The following ITFG1 variants were observed in gnomAD, a reference collection of about 807,000 sequenced individuals.
The protein encoded by ITFG1 is integrin alpha FG-GAP repeat containing 1.
A neutral mutation model predicts 81.8 loss-of-function variants in ITFG1; 34 were observed. That is an observed-to-expected ratio of 0.42 (90% CI 0.32 to 0.55). The LOEUF (loss-of-function observed/expected upper bound fraction) is 0.55. Ranked by LOEUF, ITFG1 falls within the 20% of genes least tolerant of loss-of-function variation. The pLI is 0.17. For missense variants in ITFG1, 672 were observed against 755.4 expected (o/e 0.89, Z 1.29); for synonymous variants, 285 against 270.6 (o/e 1.05, Z -0.52).
intron 6 of ITFG1, among the ~76,000 whole-genome samples, chr16:47,427,017 T>G (rs918806893): frequency 1.3e-5 from 2 of 152,096 alleles, no homozygotes; most frequent in Non-Finnish European, 2.9e-5. Context: ...AATCAAGTAT[T>G]TATCTTGCCT....
At chr16:47,214,442 A>G (rs1965600926) in intron 14 of ITFG1, among the ~76,000 whole-genome samples, 3 of 152,156 alleles carry the variant, frequency 2.0e-5, no homozygotes, top group African/African-American at 7.2e-5. Context: ...ATGACCAACA[A>G]CTCACTAGTC....
At chr16:47,197,873 C>G (rs1452473287) in intron 14 of ITFG1, among the ~76,000 whole-genome samples, 1 of 152,186 alleles carries the variant, frequency 6.6e-6, no homozygotes, top group Non-Finnish European at 1.5e-5. Flanking sequence ...TTTGTTTCTT[C>G]ATCATGAGAA....
chr16:47,298,212 A>G (rs1179242339), intron 10 of ITFG1, among the ~76,000 whole-genome samples: 1 of 152,140 alleles, frequency 6.6e-6, no homozygotes, highest in East Asian at 1.9e-4. Flanking sequence ...CTTGTCATTC[A>G]TATTCAAAAT....
chr16:47,217,335 C>G (rs577652401), intron 14 of ITFG1, among the ~76,000 whole-genome samples: 1 of 152,140 alleles, frequency 6.6e-6, no homozygotes, highest in East Asian at 1.9e-4. Flanking sequence ...TGATATCCCA[C>G]CAGTGAACTT....
At chr16:47,363,054 G>A (rs919514116) in intron 8 of ITFG1, among the ~76,000 whole-genome samples, 3 of 151,904 alleles carry the variant, frequency 2.0e-5, no homozygotes, top group Admixed American at 6.6e-5. Flanking sequence ...GTGCCACCAC[G>A]TCCAGCTAAT....
chr16:47,281,417 T>A (rs1274206904), intron 10 of ITFG1, among the ~76,000 whole-genome samples: 1 of 152,196 alleles, frequency 6.6e-6, no homozygotes, highest in South Asian at 2.1e-4. Context: ...TTGAGAAGTG[T>A]CCCTTAGTCT....
chr16:47,313,870 T>C (rs773236045), intron 8 of ITFG1, 47 bp from the exon 9 acceptor site: 2 of 1,027,410 alleles, frequency 1.9e-6, no homozygotes, highest in East Asian at 2.5e-5. Context: ...CAAAATAAAG[T>C]GTTCTTGTAT....
In ITFG1 at chr16:47,325,406, T is replaced by A. The variant is rs1967520615; in HGVS notation, c.803-11583A>T. Among the ~76,000 whole-genome samples, 3 of 151,888 alleles carry A rather than the reference T, an allele frequency of 2.0e-5. No homozygotes were observed. The South Asian group carries it at 6.2e-4, about 32-fold the overall frequency. ...TAAAATTGACACCCTAACATCACAA[T>A]TAAAAGAACTAGAGAAGCAAAGCAA... On this transcript the variant is annotated intron_variant, in intron 8 of 17. Coordinates refer to ENST00000320640, the MANE Select transcript of ITFG1 (RefSeq NM_030790.5).
At chr16:47,422,148 T>C (rs1381142868) in intron 6 of ITFG1, among the ~76,000 whole-genome samples, 8 of 152,198 alleles carry the variant, frequency 5.3e-5, no homozygotes, top group Admixed American at 5.2e-4. Context: ...TACGTGTGCA[T>C]GTGTCTTTAT....
At chr16:47,336,333 G>A (rs796880068) in intron 8 of ITFG1, among the ~76,000 whole-genome samples, 18 of 152,290 alleles carry the variant, frequency 1.2e-4, no homozygotes, top group African/African-American at 3.8e-4. Flanking sequence ...GAAAATGGTA[G>A]GAAAATTTGA....
chr16:47,403,631 G>A (rs1231449026), intron 6 of ITFG1, among the ~76,000 whole-genome samples: 1 of 152,148 alleles, frequency 6.6e-6, no homozygotes, highest in Non-Finnish European at 1.5e-5. Flanking sequence ...TAATGGCACT[G>A]TAGTTGTACA....
intron 14 of ITFG1, among the ~76,000 whole-genome samples, chr16:47,192,582 T>TC (rs1392299791): frequency 6.6e-6 from 1 of 152,062 alleles, no homozygotes; most frequent in East Asian, 1.9e-4. Flanking sequence ...GTTAGTCTTG[T>TC]CCCCCCAACC....
chr16:47,293,643 T>C (rs1299459261), intron 10 of ITFG1, among the ~76,000 whole-genome samples: 1 of 152,140 alleles, frequency 6.6e-6, no homozygotes, highest in Non-Finnish European at 1.5e-5. Context: ...GCCATCTATA[T>C]GTCTTCTTTT....
chr16:47,255,507 G>A (rs1336070027), intron 12 of ITFG1, among the ~76,000 whole-genome samples: 1 of 152,214 alleles, frequency 6.6e-6, no homozygotes, highest in African/African-American at 2.4e-5. Context: ...GTGGAAATCT[G>A]ACTTTGAATT....
At chr16:47,400,891 G>C (rs549108547) in intron 6 of ITFG1, among the ~76,000 whole-genome samples, 7 of 152,124 alleles carry the variant, frequency 4.6e-5, no homozygotes, top group Non-Finnish European at 1.0e-4. Flanking sequence ...AAAAGCATGC[G>C]ATTCTTTCTG....
chr16:47,416,546 C>T (rs905545584), intron 6 of ITFG1, among the ~76,000 whole-genome samples: 1 of 152,104 alleles, frequency 6.6e-6, no homozygotes, highest in Non-Finnish European at 1.5e-5. Flanking sequence ...GGAGGTAGGC[C>T]CTAGTGGGAA....
Position 47,365,769 on chromosome 16 carries a change from T to C in ITFG1, c.802+19A>G. Reference sequence around the variant, plus strand: ...TGGAAAGGCAAAAGCCTTTTTTTTTTTTTTTTACCAAATCTTACCAAAGTC... The same window carrying C: ...TGGAAAGGCAAAAGCCTTTTTTTTTCTTTTTTACCAAATCTTACCAAAGTC... On this transcript the variant is annotated intron_variant, in intron 8 of 17. Transcript: ENST00000320640. 1 of 1,465,650 alleles carries C rather than the reference T, an allele frequency of 6.8e-7. No individual in the cohort carries two copies. Among genetic ancestry groups the C allele is most frequent in the Non-Finnish European group, 9.4e-7 (1 of 1,061,752 alleles). 90.8% of individuals were successfully genotyped at this position (1,465,650 alleles called of 1,614,324 possible).
At chr16:47,226,860 T>C (rs1965764440) in intron 13 of ITFG1, among the ~76,000 whole-genome samples, 1 of 152,158 alleles carries the variant, frequency 6.6e-6, no homozygotes, top group Non-Finnish European at 1.5e-5. Context: ...AATATTTTAA[T>C]ATGAAAAATA....
chr16:47,311,179 T>A, intron 10 of ITFG1, 61 bp downstream of exon 10: 5 of 1,256,810 alleles, frequency 4.0e-6, no homozygotes, highest in Non-Finnish European at 5.6e-6. Flanking sequence ...CAAAGTACCA[T>A]GGTTTGCAAA....
Sources: allele counts gnomAD v4.1 joint callset (sites outside exome capture counted in the v4.1 genomes callset), GRCh38; gene constraint gnomAD v4.1.1; transcripts MANE v1.5; gene names NCBI Gene and HGNC (gene_info 2026-07-23, HGNC 2026-07-21).